UPP2: variants seen among roughly 807,000 people sequenced by gnomAD.
UPP2 encodes uridine phosphorylase 2.
A neutral mutation model predicts 26.7 loss-of-function variants in UPP2; 23 were observed. The ratio of observed to expected loss-of-function variants is 0.86; its 90% CI spans 0.62 to 1.22. The LOEUF (loss-of-function observed/expected upper bound fraction) is 1.22, where lower values mean the gene tolerates loss of function less well. UPP2 is among the 50% of genes most tolerant of loss of function. UPP2 has a pLI of 0.00. For synonymous variants in UPP2, 127 were observed against 141.3 expected (o/e 0.90, Z 0.72); for missense variants, 387 against 396.7 (o/e 0.98, Z 0.21).
Position 158,058,409 on chromosome 2 carries a change from T to C in UPP2, c.147+42523T>C, listed in dbSNP as rs1031526064. Among the ~76,000 whole-genome samples, 47 of 10,922 alleles carry C rather than the reference T, an allele frequency of 4.3e-3. No individual in the cohort carries two copies. In the Middle Eastern group the frequency reaches 0.1, roughly 23 times the overall value. 7.2% of individuals were successfully genotyped at this position (10,922 alleles called of 152,430 possible). A position where few individuals can be genotyped will look rare whatever the true frequency, so the allele number is the denominator to read the frequency against. ...CTCTCTCTCTCTCTCTCTCTCTCTC[T>C]CCCCCCAACCTGTGTGTGTGTGTGT... On this transcript the variant is annotated intron_variant, in intron 3 of 9. Transcript: ENST00000605860.
In UPP2 at chr2:158,029,321, T is replaced by C. The variant is rs555805902; in HGVS notation, c.147+13435T>C. Among the ~76,000 whole-genome samples the C allele has an allele frequency of 9.2e-5, 14 of 152,354 alleles. No homozygotes were observed. In the East Asian group the frequency reaches 2.7e-3, roughly 29 times the overall value. Reference sequence around the variant, plus strand: ...ATAAAGATGCTTTAAAAAAATGTTTTCTTTGAAGCAGATGCTGTGTTGACT... The same window carrying C: ...ATAAAGATGCTTTAAAAAAATGTTTCCTTTGAAGCAGATGCTGTGTTGACT... On this transcript the variant is annotated intron_variant, in intron 3 of 9. Coordinates refer to the UPP2 transcript ENST00000605860.
chr2:158,108,206 A>G (rs1304854865), intron 2 of UPP2, among the ~76,000 whole-genome samples: 1 of 152,206 alleles, frequency 6.6e-6, no homozygotes, highest in African/African-American at 2.4e-5. Context: ...CGCTTTCTAT[A>G]TATCAGACTC....
intron 4 of UPP2, 80 bp from the exon 5 acceptor site, chr2:158,121,329 A>G (rs1683561395): frequency 8.0e-7 from 1 of 1,251,254 alleles, no homozygotes; most frequent in Non-Finnish European, 1.2e-6. Flanking sequence ...TAGCATTAAT[A>G]CTAGAATAAG....
At chr2:158,096,294 T>C (rs1195078085) in intron 3 of UPP2, among the ~76,000 whole-genome samples, 1 of 152,190 alleles carries the variant, frequency 6.6e-6, no homozygotes, top group East Asian at 1.9e-4. Context: ...CAAAGACCAT[T>C]ATTAAAAAAT....
At chr2:158,050,758 ATT>A (rs1682142109) in intron 3 of UPP2, among the ~76,000 whole-genome samples, 1 of 152,260 alleles carries the variant, frequency 6.6e-6, no homozygotes, top group African/African-American at 2.4e-5. Context: ...TGATTATGGA[ATT>A]TGAAACAGGG....
intron 6 of UPP2, among the ~76,000 whole-genome samples, chr2:158,129,487 G>A (rs183566522): frequency 6.6e-6 from 1 of 152,014 alleles, no homozygotes; most frequent in African/African-American, 2.4e-5. Context: ...ATGAAATGAG[G>A]TCTAGAGAGT....
At chr2:158,074,530 T>C (rs1682595859) in intron 3 of UPP2, among the ~76,000 whole-genome samples, 2 of 152,142 alleles carry the variant, frequency 1.3e-5, no homozygotes, top group South Asian at 4.1e-4. Flanking sequence ...AACAACGGGT[T>C]ATATGACAGT....
intron 2 of UPP2, among the ~76,000 whole-genome samples, chr2:158,113,564 G>C (rs1683362629): frequency 6.6e-6 from 1 of 152,168 alleles, no homozygotes; most frequent in Non-Finnish European, 1.5e-5. Flanking sequence ...AGAGGGCGTG[G>C]ATACAGGGTT....
chr2:158,001,424 A>C (rs725448), intron 2 of UPP2, among the ~76,000 whole-genome samples: 107,644 of 151,916 alleles, frequency 0.71, 38,938 homozygotes, highest in East Asian at 0.98. Context: ...TAGTGGCCCA[A>C]GGAGAGGGAG....
chr2:158,112,593 A>G (rs1233542310), intron 2 of UPP2, among the ~76,000 whole-genome samples: 1 of 152,150 alleles, frequency 6.6e-6, no homozygotes, highest in Non-Finnish European at 1.5e-5. Flanking sequence ...AAATAAAAAT[A>G]AATAAATTGA....
rs558521376 is a variant in UPP2 at position 158,133,180 on chromosome 2, C to T, written c.812-1568C>T. 2.0e-5 allele frequency among the ~76,000 whole-genome samples: 3 copies of T among 152,304 alleles called. No homozygotes were observed. The South Asian group carries it at 6.2e-4, about 32-fold the overall frequency. ...GGTATATATACACAATGAAATACTA[C>T]TTAGCCTTTAAAAAGAAGGAAATTC... On this transcript the variant is annotated intron_variant, in intron 6 of 6. Transcript: ENST00000005756.
At chr2:158,005,817 C>T (rs965082815) in intron 2 of UPP2, among the ~76,000 whole-genome samples, 2 of 152,132 alleles carry the variant, frequency 1.3e-5, no homozygotes, top group African/African-American at 4.8e-5. Flanking sequence ...CCTGGCCCAG[C>T]CCCCGAAGGC....
intron 3 of UPP2, chr2:158,066,119 C>T (rs973972807): frequency 2.7e-4 from 63 of 236,256 alleles, no homozygotes; most frequent in African/African-American, 1.4e-3. Flanking sequence ...GAGATAGGAC[C>T]TGATTTGTTA....
intron 5 of UPP2, 80 bp downstream of exon 5, chr2:158,121,698 A>T (rs1683572138): frequency 1.6e-6 from 2 of 1,254,338 alleles, no homozygotes. Flanking sequence ...ATTTATATTA[A>T]CAACTCTACT....
At chr2:158,097,001 A>G (rs1682995959), upstream of UPP2, among the ~76,000 whole-genome samples, 3 of 152,256 alleles carry the variant, frequency 2.0e-5, no homozygotes, top group South Asian at 6.2e-4. Context: ...ATTAATATTA[A>G]GTCTGGTAGA....
intron 3 of UPP2, among the ~76,000 whole-genome samples, chr2:158,086,152 T>G (rs1386071531): frequency 6.6e-6 from 1 of 152,084 alleles, no homozygotes; most frequent in Non-Finnish European, 1.5e-5. Context: ...TTTCTTGGCA[T>G]TTTTAATTAC....
chr2:158,050,317 A>G (rs1474203741), intron 3 of UPP2, among the ~76,000 whole-genome samples: 3 of 152,232 alleles, frequency 2.0e-5, no homozygotes, highest in African/African-American at 7.2e-5. Context: ...CTAAAAGCAC[A>G]GAAGCAAAGA....
At chr2:158,078,851 G>T (rs773038566) in intron 3 of UPP2, among the ~76,000 whole-genome samples, 3 of 152,102 alleles carry the variant, frequency 2.0e-5, no homozygotes, top group Non-Finnish European at 4.4e-5. Context: ...TGTGGTTATT[G>T]CATGTTGCAT....
At chr2:158,056,442 T>A (rs937423422) in intron 3 of UPP2, among the ~76,000 whole-genome samples, 2 of 152,228 alleles carry the variant, frequency 1.3e-5, no homozygotes, top group Non-Finnish European at 2.9e-5. Flanking sequence ...ATTCATTTCC[T>A]ATGACCGCTG....
Sources: gnomAD v4.1 joint callset for allele counts (sites outside exome capture counted in the v4.1 genomes callset) on GRCh38, gnomAD v4.1.1 for gene constraint, MANE v1.5 for transcripts, NCBI Gene and HGNC (gene_info 2026-07-23, HGNC 2026-07-21) for gene names.